SLC35D2: variants seen among roughly 807,000 people sequenced by gnomAD.
SLC35D2 encodes the protein nucleotide sugar transporter SLC35D2.
Under a neutral mutation model 41.8 loss-of-function variants are expected in SLC35D2, and 43 were observed. That is an observed-to-expected ratio of 1.03 (90% CI 0.81 to 1.33). SLC35D2 has a LOEUF of 1.33. Among genes scored for constraint, SLC35D2 ranks in the 40% most tolerant of loss-of-function variants. The pLI, the probability that SLC35D2 is intolerant of heterozygous loss-of-function variation, is 0.00. For missense variants in SLC35D2, 380 were observed against 408.4 expected, an observed-to-expected ratio of 0.93 and a Z score of 0.60; for synonymous variants, 150 against 163.9, an observed-to-expected ratio of 0.92 and a Z score of 0.65.
intron 3 of SLC35D2, 111 bp from the exon 4 acceptor site, chr9:96,360,332 A>AT: frequency 1.1e-6 from 1 of 883,170 alleles, no homozygotes; most frequent in East Asian, 2.7e-5. Flanking sequence ...TCAAACAGGC[A>AT]TTAAAAAAAT....
At chr9:96,368,332 A>G in intron 1 of SLC35D2, 27 bp from the exon 2 acceptor site, 1 of 1,591,392 alleles carries the variant, frequency 6.3e-7, no homozygotes, top group Non-Finnish European at 8.6e-7. Context: ...ACAACAAATC[A>G]GTTGAGCAAA....
chr9:96,380,888 T>C (rs1237341370), intron 1 of SLC35D2, among the ~76,000 whole-genome samples: 1 of 152,154 alleles, frequency 6.6e-6, no homozygotes, highest in Non-Finnish European at 1.5e-5. Flanking sequence ...AGGGCTGTGT[T>C]TTCCATGGAC....
chr9:96,322,231 A>T (rs1437040215), intron 10 of SLC35D2, 151 bp from the exon 11 acceptor site: 3 of 586,764 alleles, frequency 5.1e-6, no homozygotes, highest in Non-Finnish European at 6.1e-6. Flanking sequence ...AATAAAAACC[A>T]TTACAGGCCA....
chr9:96,346,112 T>C (rs750945351), intron 6 of SLC35D2, among the ~76,000 whole-genome samples: 1 of 152,122 alleles, frequency 6.6e-6, no homozygotes, highest in African/African-American at 2.4e-5. Context: ...GAAATACACA[T>C]TGCCAGGGAG....
chr9:96,326,402 A>G (rs959558162), intron 9 of SLC35D2, among the ~76,000 whole-genome samples: 2 of 152,248 alleles, frequency 1.3e-5, no homozygotes, highest in Admixed American at 1.3e-4. Flanking sequence ...ACTTGAGTTA[A>G]TAAGCCATTT....
chr9:96,348,413 G>C (rs187611778), intron 6 of SLC35D2, among the ~76,000 whole-genome samples: 6 of 152,314 alleles, frequency 3.9e-5, no homozygotes, highest in South Asian at 4.1e-4. Flanking sequence ...ACATGGAGCA[G>C]AGCCCTCGCA....
chr9:96,367,052 C>T (rs1047339024), intron 2 of SLC35D2, among the ~76,000 whole-genome samples: 1 of 150,732 alleles, frequency 6.6e-6, no homozygotes, highest in Non-Finnish European at 1.5e-5. Flanking sequence ...AACCCTGTCT[C>T]TATTAAAGAT....
At chr9:96,320,531 A>G (rs1316853062), downstream of SLC35D2, among the ~76,000 whole-genome samples, 18 of 149,772 alleles carry the variant, frequency 1.2e-4, no homozygotes, top group Non-Finnish European at 2.7e-4. Context: ...AAAAAAAAAA[A>G]TAGCTAACAG....
chr9:96,327,082 A>T (rs527927486), intron 9 of SLC35D2, among the ~76,000 whole-genome samples: 7 of 152,330 alleles, frequency 4.6e-5, no homozygotes, highest in East Asian at 1.9e-4. Flanking sequence ...GCCCAGCCCA[A>T]CGCAGGGGCA....
intron 1 of SLC35D2, among the ~76,000 whole-genome samples, chr9:96,372,850 T>C (rs1830767668): frequency 6.6e-6 from 1 of 150,678 alleles, no homozygotes; most frequent in African/African-American, 2.4e-5. Context: ...CCTCCCAAAG[T>C]GCTGGGATTA....
At chr9:96,355,073 G>A (rs1378471911) in intron 4 of SLC35D2, among the ~76,000 whole-genome samples, 1 of 151,288 alleles carries the variant, frequency 6.6e-6, no homozygotes, top group East Asian at 2.0e-4. Context: ...AGGCTGGAGT[G>A]CAGTGGCGTC....
intron 2 of SLC35D2, among the ~76,000 whole-genome samples, chr9:96,364,828 G>A (rs1830413564): frequency 6.6e-6 from 1 of 151,936 alleles, no homozygotes; most frequent in East Asian, 1.9e-4. Context: ...CAAGATGGGT[G>A]GATTACTTGA....
chr9:96,341,938 G>GAAAAA (rs139521338), intron 8 of SLC35D2, among the ~76,000 whole-genome samples: 1 of 136,946 alleles, frequency 7.3e-6, no homozygotes. Flanking sequence ...TATATTTTTG[G>GAAAAA]AAAAAAAAAA....
At chr9:96,382,472 C>T (rs1271830782) in intron 1 of SLC35D2, among the ~76,000 whole-genome samples, 1 of 138,102 alleles carries the variant, frequency 7.2e-6, no homozygotes, top group Admixed American at 7.4e-5. Context: ...ATTATACACA[C>T]ACACACACAC....
chr9:96,328,030 CA>C (rs966904692), intron 9 of SLC35D2, among the ~76,000 whole-genome samples: 2 of 151,504 alleles, frequency 1.3e-5, no homozygotes, highest in Non-Finnish European at 2.9e-5. Context: ...TTTCTATATG[CA>C]AAAAAAACTT....
chr9:96,317,137 C>CA (rs199556211), downstream of SLC35D2, among the ~76,000 whole-genome samples: 5,026 of 131,484 alleles, frequency 0.038, 247 homozygotes, highest in African/African-American at 0.12. Context: ...GACTCCCTCT[C>CA]AAAAAAAAAA....
intron 9 of SLC35D2, among the ~76,000 whole-genome samples, chr9:96,335,721 C>T (rs1045382692): frequency 1.3e-5 from 2 of 152,040 alleles, no homozygotes; most frequent in African/African-American, 4.8e-5. Flanking sequence ...TAGACACAAA[C>T]TATATGGTCT....
intron 1 of SLC35D2, among the ~76,000 whole-genome samples, chr9:96,371,961 C>A (rs576720371): frequency 6.6e-6 from 1 of 151,726 alleles, no homozygotes; most frequent in Non-Finnish European, 1.5e-5. Flanking sequence ...CTCCTGACCT[C>A]GTGATCCGCC....
chr9:96,360,783 C>A (rs1830239979), intron 3 of SLC35D2, among the ~76,000 whole-genome samples: 1 of 151,764 alleles, frequency 6.6e-6, no homozygotes, highest in African/African-American at 2.4e-5. Context: ...CTCTTATTGC[C>A]CAGGCTGGAG....
Sources: gnomAD v4.1 joint callset for allele counts (sites outside exome capture counted in the v4.1 genomes callset) on GRCh38, gnomAD v4.1.1 for gene constraint, MANE v1.5 for transcripts, NCBI Gene and HGNC (gene_info 2026-07-23, HGNC 2026-07-21) for gene names.